Variants in RASGEF1A observed in about 807,000 individuals in gnomAD.
The protein encoded by RASGEF1A is RasGEF domain family member 1A.
A neutral mutation model predicts 56.4 loss-of-function variants in RASGEF1A; 18 were observed. The observed-to-expected ratio is 0.32, with a 90% confidence interval of 0.22 to 0.47. RASGEF1A has a LOEUF of 0.47. Among genes scored for constraint, RASGEF1A ranks in the 20% least tolerant of loss-of-function variants. RASGEF1A has a pLI of 1.00. For synonymous variants in RASGEF1A, 245 were observed against 242.6 expected, an observed-to-expected ratio of 1.01 and a Z score of -0.09; for missense variants, 422 against 627.1, an observed-to-expected ratio of 0.67 and a Z score of 3.49.
Position 43,248,216 on chromosome 10 carries a change from C to T in RASGEF1A, c.-7+18629G>A, listed in dbSNP as rs545394663. 2.3e-3 allele frequency among the ~76,000 whole-genome samples: 351 copies of T among 151,872 alleles called. 2 individuals carry two copies. Among genetic ancestry groups the T allele is most frequent in the African/African-American group, 7.7e-3 (320 of 41,400 alleles). On this transcript the variant is annotated intron_variant, in intron 1 of 12. Transcript: ENST00000395810. ...ACTAAAAATACAAAAATTAGCTGGG[C>T]ATGGTGGCACATGCCTGTAATCCCA...
At chr10:43,247,708 A>C (rs1260624589) in intron 1 of RASGEF1A, among the ~76,000 whole-genome samples, 1 of 152,224 alleles carries the variant, frequency 6.6e-6, no homozygotes, top group African/African-American at 2.4e-5. Flanking sequence ...TAGAGTCATA[A>C]AATAGATTAG....
In RASGEF1A at chr10:43,196,669, C is replaced by A; in HGVS notation, c.1349-121G>T. 1.0e-6 allele frequency: 1 copy of A among 963,732 alleles called. No individual in the cohort carries two copies. 59.7% of individuals were successfully genotyped at this position (963,732 alleles called of 1,614,324 possible). A position where few individuals can be genotyped will look rare whatever the true frequency, so the allele number is the denominator to read the frequency against. ...CAGTGACCTCTGGCTGGGCTGAACA[C>A]AGTTCTCTGCTGTGCGGGGCTCTCA... is the stretch of plus-strand genomic sequence containing the variant. On this transcript the variant is annotated intron_variant, in intron 11 of 12. Transcript: ENST00000395810. This position sits in a 1 kb window ranked among gnomAD's most constrained non-coding sequence, Gnocchi z 4.6.
At chr10:43,224,293 T>C (rs537447503) in intron 1 of RASGEF1A, among the ~76,000 whole-genome samples, 1 of 133,720 alleles carries the variant, frequency 7.5e-6, no homozygotes, top group South Asian at 2.1e-4. Flanking sequence ...ATGTGACAAA[T>C]ATGTCTCCTA....
At chr10:43,236,776 C>T (rs1356357961) in intron 1 of RASGEF1A, among the ~76,000 whole-genome samples, 2 of 152,214 alleles carry the variant, frequency 1.3e-5, no homozygotes, top group Non-Finnish European at 2.9e-5. Context: ...ACTCAGGGCT[C>T]GCCCCTCCCT....
At chr10:43,204,155 A>G (rs2133187929) in intron 2 of RASGEF1A, among the ~76,000 whole-genome samples, 1 of 152,218 alleles carries the variant, frequency 6.6e-6, no homozygotes, top group Middle Eastern at 3.4e-3. Flanking sequence ...GCTTGTGGAC[A>G]GGGTAGACTT....
At chr10:43,248,085 G>A (rs1195696532) in intron 1 of RASGEF1A, among the ~76,000 whole-genome samples, 3 of 150,964 alleles carry the variant, frequency 2.0e-5, no homozygotes, top group Admixed American at 2.0e-4. Context: ...GCCGAGTGTG[G>A]TAGCTCATGC....
At chr10:43,202,771 C>G (rs1839923415) in intron 3 of RASGEF1A, 1 of 460,994 alleles carries the variant, frequency 2.2e-6, no homozygotes. Flanking sequence ...CACCACGCCC[C>G]TAACCCGGAC....
intron 1 of RASGEF1A, among the ~76,000 whole-genome samples, chr10:43,264,603 G>C (rs1193730187): frequency 6.6e-6 from 1 of 150,782 alleles, no homozygotes; most frequent in African/African-American, 2.4e-5. Flanking sequence ...CAGAAAAGCA[G>C]CCAGAGTGCC....
intron 1 of RASGEF1A, among the ~76,000 whole-genome samples, chr10:43,236,700 C>T (rs1396727281): frequency 1.3e-5 from 2 of 152,246 alleles, no homozygotes; most frequent in African/African-American, 2.4e-5. Flanking sequence ...CTTCTAAAAC[C>T]AGGACATGAG....
intron 5 of RASGEF1A, 74 bp downstream of exon 5, chr10:43,200,593 T>C: frequency 1.5e-6 from 2 of 1,340,968 alleles, no homozygotes; most frequent in Middle Eastern, 2.6e-4. Flanking sequence ...AGCAGGGGCC[T>C]GAAGTGCTGT....
chr10:43,201,957 G>A lies in RASGEF1A; in HGVS notation c.322-12C>T, dbSNP rs925145959. The A allele has an allele frequency of 1.2e-6, 2 of 1,600,236 alleles. No homozygotes were observed. The highest frequency in any genetic ancestry group is 1.3e-5 in the African/African-American group (1 of 74,766). ...GACTTCAGCTTGGCCTGGGGCAGCA[G>A]GGGATACAGAGTAAGGCCCCACAGG... On this transcript the variant is annotated splice_polypyrimidine_tract_variant and intron_variant, in intron 3 of 12. Coordinates refer to ENST00000395810, the MANE Select transcript of RASGEF1A (RefSeq NM_145313.4).
chr10:43,207,634 C>T (rs1167314269), intron 1 of RASGEF1A: 1 of 985,536 alleles, frequency 1.0e-6, no homozygotes, highest in Non-Finnish European at 1.2e-6. Context: ...GTGCTGCCCC[C>T]ACTCCAGGAC....
chr10:43,213,228 G>A (rs1840092133), intron 1 of RASGEF1A, among the ~76,000 whole-genome samples: 1 of 151,588 alleles, frequency 6.6e-6, no homozygotes, highest in African/African-American at 2.4e-5. Context: ...AGAGATAGAA[G>A]AAATGTTTCC....
intron 1 of RASGEF1A, among the ~76,000 whole-genome samples, chr10:43,241,606 T>C (rs1443225676): frequency 6.6e-6 from 1 of 151,578 alleles, no homozygotes; most frequent in Non-Finnish European, 1.5e-5. Flanking sequence ...CTAGATAATA[T>C]CTAAATATCT....
chr10:43,258,394 C>T (rs1010034144), intron 1 of RASGEF1A, among the ~76,000 whole-genome samples: 25 of 152,172 alleles, frequency 1.6e-4, no homozygotes, highest in Non-Finnish European at 3.2e-4. Context: ...AGGGTGAAGT[C>T]TAGCCTCGGT....
chr10:43,229,646 C>T (rs963405002), intron 1 of RASGEF1A: 3 of 1,493,258 alleles, frequency 2.0e-6, no homozygotes, highest in South Asian at 1.2e-5. Context: ...CCTGGGGCTC[C>T]AGGAACATTC....
intron 1 of RASGEF1A, among the ~76,000 whole-genome samples, chr10:43,262,164 T>G (rs1836540767): frequency 6.6e-6 from 1 of 152,078 alleles, no homozygotes; most frequent in Non-Finnish European, 1.5e-5. Context: ...TTGGGCAGCC[T>G]TGGTGGGGGT....
intron 1 of RASGEF1A, among the ~76,000 whole-genome samples, chr10:43,228,682 G>A (rs1016796221): frequency 6.6e-6 from 1 of 152,212 alleles, no homozygotes; most frequent in African/African-American, 2.4e-5. Context: ...CACAGGCCCT[G>A]CTAGCTCTCC....
At chr10:43,264,088 G>A (rs1327370460) in intron 1 of RASGEF1A, among the ~76,000 whole-genome samples, 1 of 152,054 alleles carries the variant, frequency 6.6e-6, no homozygotes, top group African/African-American at 2.4e-5. Flanking sequence ...AGGGGCTTTC[G>A]GGCTTCCCTT....
Sources: gnomAD v4.1 joint callset for allele counts (sites outside exome capture counted in the v4.1 genomes callset) on GRCh38, gnomAD v4.1.1 for gene constraint, Gnocchi (gnomAD v3.1) non-coding constraint, MANE v1.5 for transcripts, NCBI Gene and HGNC (gene_info 2026-07-23, HGNC 2026-07-21) for gene names.